Variants in FAM221B observed in about 807,000 individuals in gnomAD.
FAM221B encodes the protein protein FAM221B.
Under a neutral mutation model 39.8 loss-of-function variants are expected in FAM221B, and 35 were observed. That is an observed-to-expected ratio of 0.88 (90% confidence interval 0.67 to 1.17). The LOEUF (loss-of-function observed/expected upper bound fraction) is 1.17. Among genes scored for constraint, FAM221B ranks in the 50% most tolerant of loss-of-function variants. FAM221B has a pLI of 0.00. For missense variants in FAM221B, 479 were observed against 503.1 expected, an observed-to-expected ratio of 0.95 and a Z score of 0.46; for synonymous variants, 158 against 178.1, an observed-to-expected ratio of 0.89 and a Z score of 0.90.
chr9:35,824,250 C>T (rs1218207121), intron 3 of FAM221B, among the ~76,000 whole-genome samples: 1 of 152,182 alleles, frequency 6.6e-6, no homozygotes, highest in Admixed American at 6.5e-5. Context: ...ATCCTTATAG[C>T]AGGTCAGGGT....
At chr9:35,822,542 G>A (rs1271087982) in intron 3 of FAM221B, among the ~76,000 whole-genome samples, 1 of 152,090 alleles carries the variant, frequency 6.6e-6, no homozygotes, top group African/African-American at 2.4e-5. Flanking sequence ...CAAGTAGCTG[G>A]GATTACAGGT....
At position 35,816,842 on chromosome 9, in the gene FAM221B, A is replaced by T. The variant is rs1829033647; in HGVS notation, c.*1627T>A. The stretch of plus-strand genomic sequence containing the variant: ...TGCATTCCTTCCCTTGGAGGAACAG[A>T]TGGCCCCCCTAATTGTGAGGAAATG... On this transcript the variant is annotated 3_prime_UTR_variant, in exon 7 of 7. Transcript: ENST00000423537. The T allele has an allele frequency of 6.6e-6, 1 of 152,156 alleles. No homozygotes were observed. Among genetic ancestry groups the T allele is most frequent in the South Asian group, 2.1e-4 (1 of 4,832 alleles). The allele number at this position is 152,156 out of a possible 1,614,324, so 9.4% of individuals were successfully genotyped here.
chr9:35,828,243 G>A lies in FAM221B; in HGVS notation c.-1+220C>T, dbSNP rs1829476091. Reference sequence around the variant, plus strand: ...GGAGGCGGAGGTTGCAGTGAGCCCAGATCGCACCACTGCACTCCAGCCTGG... The same window carrying A: ...GGAGGCGGAGGTTGCAGTGAGCCCAAATCGCACCACTGCACTCCAGCCTGG... On this transcript the variant is annotated intron_variant, in intron 1 of 6. Coordinates refer to ENST00000423537, the MANE Select transcript of FAM221B (RefSeq NM_001012446.4). The surrounding 1 kb of genome is among the most constrained non-coding windows in gnomAD (Gnocchi z 4.5). 6.6e-6 allele frequency among the ~76,000 whole-genome samples: 1 copy of A among 151,880 alleles called. No individual in the cohort carries two copies. The highest frequency in any genetic ancestry group is 2.1e-4 in the South Asian group (1 of 4,822).
Position 35,818,128 on chromosome 9 carries a change from G to A in FAM221B, c.*341C>T. On this transcript the variant is annotated 3_prime_UTR_variant, in exon 7 of 7. Coordinates refer to ENST00000423537, the MANE Select transcript of FAM221B (RefSeq NM_001012446.4). Reference sequence around the variant, plus strand: ...GCCTCCACTGCACCAGTGTGAAACTGCACTCTCCGATGTTCCCAAAGATCT... The same window carrying A: ...GCCTCCACTGCACCAGTGTGAAACTACACTCTCCGATGTTCCCAAAGATCT... The A allele has an allele frequency of 3.3e-6, 1 of 305,724 alleles. No homozygotes were observed. Among genetic ancestry groups the A allele is most frequent in the Non-Finnish European group, 6.3e-6 (1 of 159,066 alleles). 18.9% of individuals were successfully genotyped at this position (305,724 alleles called of 1,614,324 possible). A position where few individuals can be genotyped will look rare whatever the true frequency, so the allele number is the denominator to read the frequency against.
Position 35,818,656 on chromosome 9 carries a change from CAG to C in FAM221B, c.1172-152_1172-151del, listed in dbSNP as rs1235637650. ...CCCTGTATCTGCAGGGCCTAGAAGT[CAG>C]AGTTGCTGAGGATGGCTTCTCGGAG... is the stretch of plus-strand genomic sequence containing the variant. On this transcript the variant is annotated intron_variant, in intron 6 of 6. Coordinates refer to ENST00000423537, the MANE Select transcript of FAM221B (RefSeq NM_001012446.4). The C allele has an allele frequency of 9.3e-6, 9 of 969,238 alleles. No individual in the cohort carries two copies. In the African/African-American group the frequency reaches 1.5e-4, roughly 16 times the overall value. The allele number at this position is 969,238 out of a possible 1,614,324, so 60.0% of individuals were successfully genotyped here.
rs372358720 is a variant in FAM221B, at chr9:35,828,292, AAACAACAACAACAACAAC to A, written c.-1+153_-1+170del. Among the ~76,000 whole-genome samples the A allele has an allele frequency of 7.9e-6, 1 of 126,508 alleles. No individual in the cohort carries two copies. The highest frequency in any genetic ancestry group is 3.1e-5 in the African/African-American group (1 of 32,218). 83.0% of individuals were successfully genotyped at this position (126,508 alleles called of 152,430 possible). A position where few individuals can be genotyped will look rare whatever the true frequency, so the allele number is the denominator to read the frequency against. On this transcript the variant is annotated intron_variant, in intron 1 of 6. Transcript: ENST00000423537. This position sits in a 1 kb window ranked among gnomAD's most constrained non-coding sequence, Gnocchi z 4.5. ...GGGGGACAGAGCGAGACTCTGTCTC[AAACAACAACAACAACAAC>A]AACAACAACAACAACAACAACAACT...
At chr9:35,821,712 C>A (rs2132142810) in intron 3 of FAM221B, 1 of 926,688 alleles carries the variant, frequency 1.1e-6, no homozygotes, top group Non-Finnish European at 1.6e-6. Flanking sequence ...GCAGTCAAGT[C>A]CAAGCACTAG....
intron 3 of FAM221B, among the ~76,000 whole-genome samples, chr9:35,821,806 C>T (rs1260937122): frequency 6.6e-6 from 1 of 152,200 alleles, no homozygotes; most frequent in African/African-American, 2.4e-5. Flanking sequence ...GATTCTGTTA[C>T]AAGTGTTAGT....
At chr9:35,820,566 C>T (rs1246661868) in intron 3 of FAM221B, among the ~76,000 whole-genome samples, 1 of 152,140 alleles carries the variant, frequency 6.6e-6, no homozygotes, top group East Asian at 1.9e-4. Context: ...CACGTCTCCA[C>T]GTTGGTACCT....
chr9:35,820,018 A>G lies in FAM221B; in HGVS notation c.743-18T>C. Reference sequence around the variant, plus strand: ...GTAGAGACCTAGGTATGCAGGATTAAAAGTGAGAAGTAAAAAAATTCTAAG... The same window carrying G: ...GTAGAGACCTAGGTATGCAGGATTAGAAGTGAGAAGTAAAAAAATTCTAAG... On this transcript the variant is annotated intron_variant, in intron 3 of 6. Transcript: ENST00000423537. The G allele has an allele frequency of 6.3e-7, 1 of 1,585,374 alleles. No individual in the cohort carries two copies.
intron 3 of FAM221B, among the ~76,000 whole-genome samples, chr9:35,824,843 G>A (rs1254565053): frequency 5.9e-5 from 9 of 151,846 alleles, no homozygotes; most frequent in Admixed American, 3.3e-4. Flanking sequence ...CACCACGCCC[G>A]GCTAATTTTT....
rs372358720 is a variant in FAM221B at position 35,828,292 on chromosome 9, A to AAACAACAACAACAAC, written c.-1+156_-1+170dup. ...GGGGGACAGAGCGAGACTCTGTCTCAAACAACAACAACAACAACAACAACA... is the reference window on the plus strand; with the variant it reads ...GGGGGACAGAGCGAGACTCTGTCTCAAACAACAACAACAACAACAACAACAACAACAACAACAACA... On this transcript the variant is annotated intron_variant, in intron 1 of 6. Coordinates refer to ENST00000423537, the MANE Select transcript of FAM221B (RefSeq NM_001012446.4). The surrounding 1 kb of genome is among the most constrained non-coding windows in gnomAD (Gnocchi z 4.5). Among the ~76,000 whole-genome samples, 353 of 126,530 alleles carry AAACAACAACAACAAC rather than the reference A, an allele frequency of 2.8e-3. 1 individual carries two copies. Among genetic ancestry groups the AAACAACAACAACAAC allele is most frequent in the South Asian group, 3.6e-3 (13 of 3,644 alleles). The allele number at this position is 126,530 out of a possible 152,430, so 83.0% of individuals were successfully genotyped here.
rs1419902160 is a variant in FAM221B, at chr9:35,818,200, G to A, written c.*269C>T. The A allele has an allele frequency of 4.0e-6, 2 of 504,686 alleles. No individual in the cohort carries two copies. The highest frequency in any genetic ancestry group is 1.9e-5 in the African/African-American group (1 of 51,938). 31.3% of individuals were successfully genotyped at this position (504,686 alleles called of 1,614,324 possible). A position where few individuals can be genotyped will look rare whatever the true frequency, so the allele number is the denominator to read the frequency against. On this transcript the variant is annotated 3_prime_UTR_variant, in exon 7 of 7. Coordinates refer to ENST00000423537, the MANE Select transcript of FAM221B (RefSeq NM_001012446.4). ...ACACTTTTCAGTCTTTATCTTATTG[G>A]TGCCCCAACTGCATCTAACATCACT...
Position 35,819,012 on chromosome 9 carries a change from G to A in FAM221B, c.1052-3C>T. 4 of 1,551,664 alleles carry A rather than the reference G, an allele frequency of 2.6e-6. No individual in the cohort carries two copies. Among genetic ancestry groups the A allele is most frequent in the South Asian group, 2.4e-5 (2 of 84,066 alleles). ...CTCAAAACAGCCGCAGCAACAGCCT[G>A]GGGCAAAAGTGCAGCCAAGAAGAGT... On this transcript the variant is annotated splice_region_variant and splice_polypyrimidine_tract_variant and intron_variant, in intron 5 of 6. Transcript: ENST00000423537.
At chr9:35,822,489 C>A (rs1210176563) in intron 3 of FAM221B, among the ~76,000 whole-genome samples, 1 of 152,124 alleles carries the variant, frequency 6.6e-6, no homozygotes, top group Admixed American at 6.6e-5. Flanking sequence ...CTCACTGCAA[C>A]CTCCACCTCC....
chr9:35,820,191 A>G (rs1389332693), intron 3 of FAM221B, among the ~76,000 whole-genome samples, 191 bp from the exon 4 acceptor site: 1 of 151,974 alleles, frequency 6.6e-6, no homozygotes, highest in East Asian at 1.9e-4. Flanking sequence ...TTTTCTCATT[A>G]CCCCAGAAGT....
chr9:35,822,390 C>G (rs1215262248), intron 3 of FAM221B, among the ~76,000 whole-genome samples: 1 of 152,092 alleles, frequency 6.6e-6, no homozygotes, highest in Non-Finnish European at 1.5e-5. Context: ...CTTTTCTTTT[C>G]TTTTCCCTAC....
In FAM221B at chr9:35,825,609, C is replaced by T. The variant is rs1254388548; in HGVS notation, c.553G>A (p.Ala185Thr). ...EAGEVEKGVD[A>T]SDSTAHTAQP... The stretch of plus-strand genomic sequence containing the variant: ...GCTGTGTGAGCAGTGCTGTCACTGG[C>T]ATCTACTCCCTTTTCAACCTCTCCT... The change falls in exon 2 of 7, where the codon GCC becomes ACC. Residue 185 changes from alanine to threonine, a missense_variant. Physicochemically the swap from Ala to Thr is moderately conservative, Grantham distance 58 (BLOSUM62 0). Coordinates refer to ENST00000423537, the MANE Select transcript of FAM221B (RefSeq NM_001012446.4). This position sits in a 1 kb window ranked among gnomAD's most constrained non-coding sequence, Gnocchi z 4.2. 2.5e-6 allele frequency: 4 copies of T among 1,613,888 alleles called. No individual in the cohort carries two copies. The highest frequency in any genetic ancestry group is 2.2e-5 in the East Asian group (1 of 44,878).
In FAM221B at chr9:35,819,326, C is replaced by T; in HGVS notation, c.922G>A (p.Glu308Lys). 6.4e-7 allele frequency: 1 copy of T among 1,551,770 alleles called. No homozygotes were observed. Among genetic ancestry groups the T allele is most frequent in the Non-Finnish European group, 8.7e-7 (1 of 1,147,008 alleles). ...TTGAGCCAGAACTCACCCACCTCCTCTGGGCGTGATGGGATAAAGCAGAAC... is the reference window on the plus strand; with the variant it reads ...TTGAGCCAGAACTCACCCACCTCCTTTGGGCGTGATGGGATAAAGCAGAAC... ...FMFCFIPSRP[E>K]EVGEFWLKRR... Residue 308 changes from glutamate (E) to lysine (K), a missense_variant, in exon 5 of 7, where the codon GAG (glutamate) becomes AAG (lysine). Transcript: ENST00000423537.
Sources: allele counts gnomAD v4.1 joint callset (sites outside exome capture counted in the v4.1 genomes callset), GRCh38; gene constraint gnomAD v4.1.1; non-coding constraint Gnocchi (gnomAD v3.1); transcripts MANE v1.5; gene names NCBI Gene and HGNC (gene_info 2026-07-23, HGNC 2026-07-21).